XKRX: variants seen among roughly 807,000 people sequenced by gnomAD.
The protein encoded by XKRX is XK-related protein 2.
In XKRX, 11 loss-of-function variants were observed where a neutral mutation model predicts 22.4. The observed-to-expected ratio is 0.49, with a 90% CI of 0.31 to 0.81. XKRX has a LOEUF of 0.81. Among genes scored for constraint, XKRX ranks in the 40% least tolerant of loss-of-function variants. XKRX has a pLI of 0.05. For missense variants in XKRX, 320 were observed against 336.5 expected, an observed-to-expected ratio of 0.95 and a Z score of 0.38; for synonymous variants, 114 against 132.2, an observed-to-expected ratio of 0.86 and a Z score of 0.94.
At position 100,922,754 on chromosome X, in the gene XKRX, G is replaced by T. The variant is rs760879905; in HGVS notation, c.604+39C>A. ...TTGGGTCTAGACTTCTAAGACCCTTGATTTAACTGGAGCCCTCCCCTCTCC... is the reference window on the plus strand; with the variant it reads ...TTGGGTCTAGACTTCTAAGACCCTTTATTTAACTGGAGCCCTCCCCTCTCC... On this transcript the variant is annotated intron_variant, in intron 2 of 2. Transcript: ENST00000372956. The T allele has an allele frequency of 1.7e-6, 2 of 1,185,106 alleles. 1 individual carries two copies. The highest frequency in any genetic ancestry group is 3.7e-5 in the South Asian group (2 of 53,334).
In XKRX at chrX:100,928,254, T is replaced by C. The variant is rs774775335; in HGVS notation, c.51A>G (p.Ser17=). ...IPEEPNVDPV[S]SLEEDVIRGA... ...CACGGATGACATCTTCCTCCAGAGA[T>C]GAAACCGGATCCACATTTGGCTCCT... The change falls in exon 1 of 3, where the codon TCA becomes TCG. Residue 17 remains serine (S), a synonymous_variant. Transcript: ENST00000372956. The C allele has an allele frequency of 4.1e-6, 5 of 1,211,443 alleles. No homozygotes were observed. The South Asian group carries it at 5.3e-5, about 13-fold the overall frequency.
chrX:100,893,584 T>C, the XKRX span, among the ~76,000 whole-genome samples: 2 of 112,088 alleles, frequency 1.8e-5, no homozygotes. Context: ...AACAGTTGAT[T>C]GGATAAAGAA....
At chrX:100,910,623 G>T, downstream of XKRX, 1 of 337,601 alleles carries the variant, frequency 3.0e-6, no homozygotes, top group African/African-American at 2.7e-5. Flanking sequence ...AGGACTGTGC[G>T]GCCTCGGCTC....
chrX:100,902,637 C>T, the XKRX span, among the ~76,000 whole-genome samples: 1 of 111,809 alleles, frequency 8.9e-6, no homozygotes, highest in Non-Finnish European at 1.9e-5. Flanking sequence ...TAAATAGCAA[C>T]CATATGATCC....
At chrX:100,893,044 G>C in the XKRX span, among the ~76,000 whole-genome samples, 1 of 112,146 alleles carries the variant, frequency 8.9e-6, no homozygotes, top group Non-Finnish European at 1.9e-5. Flanking sequence ...GACAAACCTA[G>C]AGGATATTAC....
downstream of XKRX, among the ~76,000 whole-genome samples, chrX:100,909,655 AC>A (rs763395381): frequency 5.3e-4 from 59 of 111,950 alleles, no homozygotes; most frequent in Non-Finnish European, 4.7e-4. Flanking sequence ...TGTGATCCCA[AC>A]ACTTTGGGAG....
chrX:100,934,826 C>T, the XKRX span, among the ~76,000 whole-genome samples: 3 of 112,081 alleles, frequency 2.7e-5, no homozygotes, highest in South Asian at 7.5e-4. Flanking sequence ...TTCCATCAGC[C>T]GTGTTCAGCC....
chrX:100,952,458 A>AT, the XKRX span, among the ~76,000 whole-genome samples: 1 of 110,945 alleles, frequency 9.0e-6, no homozygotes, highest in African/African-American at 3.3e-5. Context: ...AAAGGCAAGA[A>AT]TGTGTGCTTC....
chrX:100,919,604 A>G (rs1333172338), intron 2 of XKRX, among the ~76,000 whole-genome samples: 1 of 112,130 alleles, frequency 8.9e-6, no homozygotes. Flanking sequence ...AGTAAAATAT[A>G]TAAACAAGCA....
chrX:100,948,508 C>T, the XKRX span, among the ~76,000 whole-genome samples: 75 of 111,981 alleles, frequency 6.7e-4, no homozygotes, highest in Admixed American at 1.7e-3. Context: ...CCAGATGGGG[C>T]GCTGGAGAAG....
chrX:100,929,744 T>C (rs2085514818), upstream of XKRX, among the ~76,000 whole-genome samples: 1 of 111,375 alleles, frequency 9.0e-6, no homozygotes, highest in South Asian at 3.8e-4. Context: ...GAGGCCAGGA[T>C]AGGAGCTTTA....
Position 100,914,397 on chromosome X carries a change from T to C in XKRX, c.1291A>G (p.Thr431Ala). The part of the protein sequence containing the change: ...HCVCCHQHPR[T>A]RVENSEPPFE... ...GGTGGCTCTGAGTTCTCAACCCTGG[T>C]CCGAGGGTGCTGGTGACAGCAGACA... is the stretch of plus-strand genomic sequence containing the variant. Residue 431 changes from threonine to alanine, a missense_variant, in exon 3 of 3, where the codon ACC (threonine) becomes GCC (alanine). Transcript: ENST00000372956. The C allele has an allele frequency of 8.3e-7, 1 of 1,211,556 alleles. No homozygotes were observed. The highest frequency in any genetic ancestry group is 1.1e-6 in the Non-Finnish European group (1 of 895,343).
upstream of XKRX, among the ~76,000 whole-genome samples, chrX:100,934,264 A>G (rs1023092662): frequency 8.9e-6 from 1 of 111,850 alleles, no homozygotes; most frequent in Non-Finnish European, 1.9e-5. Flanking sequence ...GAAACAACCA[A>G]TTGGCACAAG....
chrX:100,950,456 T>C, the XKRX span, among the ~76,000 whole-genome samples: 7 of 112,312 alleles, frequency 6.2e-5, no homozygotes, highest in East Asian at 1.9e-3. Context: ...TTAAAACTTG[T>C]AACATTTCTC....
chrX:100,917,634 G>GAAGAAAGA lies in XKRX; in HGVS notation c.605-2559_605-2552dup, dbSNP rs745405207. Among the ~76,000 whole-genome samples the GAAGAAAGA allele has an allele frequency of 5.1e-3, 249 of 49,025 alleles. 8 individuals are homozygous for GAAGAAAGA. The highest frequency in any genetic ancestry group is 0.017 in the East Asian group (28 of 1,692). The allele number at this position is 49,025 out of a possible 115,157, so 42.6% of individuals were successfully genotyped here. On this transcript the variant is annotated intron_variant, in intron 2 of 2. Coordinates refer to ENST00000372956, the MANE Select transcript of XKRX (RefSeq NM_212559.3). The stretch of plus-strand genomic sequence containing the variant: ...AAAGAGAGAAAGAAAGAGAAAGAAA[G>GAAGAAAGA]AAGAAAGAAAGAAAGAAAGAAAGAA...
At chrX:100,942,198 A>G in the XKRX span, among the ~76,000 whole-genome samples, 1 of 111,943 alleles carries the variant, frequency 8.9e-6, no homozygotes, top group Admixed American at 9.5e-5. Flanking sequence ...AGGTATATGA[A>G]GTTCAAAGAA....
chrX:100,922,922 G>T lies in XKRX; in HGVS notation c.475C>A (p.Arg159=), dbSNP rs779822972. 2 of 1,211,441 alleles carry T rather than the reference G, an allele frequency of 1.7e-6. No homozygotes were observed. The highest frequency in any genetic ancestry group is 4.4e-5 in the Admixed American group (2 of 45,960). Residue 159 remains arginine, a synonymous_variant, in exon 2 of 3, where the codon CGG becomes AGG. Transcript: ENST00000372956. ...GCATTGCGGTGCATAGCCAGGGTCCGGATGGAGTGGCCCACCTCCCATTCT... is the reference window on the plus strand; with the variant it reads ...GCATTGCGGTGCATAGCCAGGGTCCTGATGGAGTGGCCCACCTCCCATTCT... ...LIEWEVGHSI[R]TLAMHRNAYK...
In XKRX at chrX:100,914,843, A is replaced by G. The variant is rs768875969; in HGVS notation, c.845T>C (p.Phe282Ser). Residue 282 changes from phenylalanine (F) to serine (S), a missense_variant, in exon 3 of 3, where the codon TTT becomes TCT. Physicochemically the swap from Phe to Ser is radical, Grantham distance 155. Transcript: ENST00000372956. Reference sequence around the variant, plus strand: ...TCTCCAGAACTTAATCCAGGGCTCAAAGAGGATGATCAGGAAGTTGAGCAC... The same window carrying G: ...TCTCCAGAACTTAATCCAGGGCTCAGAGAGGATGATCAGGAAGTTGAGCAC... ...FLVLNFLIIL[F>S]EPWIKFWRSG... The G allele has an allele frequency of 8.3e-7, 1 of 1,211,774 alleles. No homozygotes were observed. The highest frequency in any genetic ancestry group is 1.1e-6 in the Non-Finnish European group (1 of 895,584).
the XKRX span, chrX:100,956,581 G>T: frequency 2.1e-6 from 1 of 467,841 alleles, no homozygotes; most frequent in Non-Finnish European, 3.9e-6. Flanking sequence ...TGGATAGGAG[G>T]GTTAGACTGG....
Sources: allele counts gnomAD v4.1 joint callset (sites outside exome capture counted in the v4.1 genomes callset), GRCh38; gene constraint gnomAD v4.1.1; transcripts MANE v1.5; gene names NCBI Gene and HGNC (gene_info 2026-07-23, HGNC 2026-07-21).